Variants in FMNL3 observed in about 807,000 individuals in gnomAD.
The protein encoded by FMNL3 is formin-like protein 3.
In FMNL3, 57 loss-of-function variants were observed where a neutral mutation model predicts 119.6. The ratio of observed to expected loss-of-function variants is 0.48; its 90% confidence interval spans 0.39 to 0.59. The LOEUF (loss-of-function observed/expected upper bound fraction) is 0.59. FMNL3 is among the 20% of genes least tolerant of loss of function. The pLI is 0.00. For missense variants in FMNL3, 1,053 were observed against 1,323.5 expected (o/e 0.80, Z 3.17); for synonymous variants, 491 against 507.3 (o/e 0.97, Z 0.43).
intron 21 of FMNL3, 151 bp from the exon 22 acceptor site, chr12:49,648,504 A>G: frequency 1.3e-6 from 1 of 771,158 alleles, no homozygotes; most frequent in Non-Finnish European, 1.9e-6. Flanking sequence ...ACACCAAGCT[A>G]GCTGATCCCT....
At chr12:49,648,406 C>T in intron 21 of FMNL3, 53 bp from the exon 22 acceptor site, 2 of 1,566,326 alleles carry the variant, frequency 1.3e-6, no homozygotes, top group South Asian at 1.2e-5. Flanking sequence ...ATGCTCACCT[C>T]CCAGCCCAGA....
At chr12:49,676,308 G>A (rs1441371066) in intron 1 of FMNL3, among the ~76,000 whole-genome samples, 1 of 152,138 alleles carries the variant, frequency 6.6e-6, no homozygotes, top group Non-Finnish European at 1.5e-5. Context: ...CACAACTTCT[G>A]AGAAATGTCA....
At chr12:49,680,629 G>A (rs1565888477) in intron 1 of FMNL3, among the ~76,000 whole-genome samples, 1 of 152,090 alleles carries the variant, frequency 6.6e-6, no homozygotes, top group Admixed American at 6.5e-5. Flanking sequence ...GTACAGCTAG[G>A]AAAAAACACC....
chr12:49,701,908 G>A (rs1237059968), intron 1 of FMNL3, among the ~76,000 whole-genome samples: 1 of 152,174 alleles, frequency 6.6e-6, no homozygotes, highest in Non-Finnish European at 1.5e-5. Flanking sequence ...GGGTGACAGA[G>A]TAAGACTGTC....
At position 49,643,996 on chromosome 12, in the gene FMNL3, AAGG is replaced by A. The variant is rs761119539; in HGVS notation, c.*1816_*1818del. ...CCGTTCCCCAGGCTTTGGAATCAAGAAGGAGAAGGTGAGGGGCAGGGGCCCTAG... is the reference window on the plus strand; with the variant it reads ...CCGTTCCCCAGGCTTTGGAATCAAGAAGAAGGTGAGGGGCAGGGGCCCTAG... On this transcript the variant is annotated 3_prime_UTR_variant, in exon 26 of 26. Transcript: ENST00000335154. 76 of 1,614,138 alleles carry A rather than the reference AAGG, an allele frequency of 4.7e-5. No individual in the cohort carries two copies. The South Asian group carries it at 6.9e-4, about 15-fold the overall frequency.
chr12:49,677,989 A>T (rs191642638), intron 1 of FMNL3, among the ~76,000 whole-genome samples: 2 of 149,826 alleles, frequency 1.3e-5, no homozygotes, highest in East Asian at 4.0e-4. Context: ...CAGCCTCCCA[A>T]GTAGCTGGGA....
Position 49,642,547 on chromosome 12 carries a change from C to G in FMNL3, c.*3268G>C. 1.2e-6 allele frequency: 2 copies of G among 1,611,646 alleles called. No homozygotes were observed. Among genetic ancestry groups the G allele is most frequent in the South Asian group, 1.1e-5 (1 of 90,924 alleles). ...GTGTCCAGGCCAGGCTGAGTGGGGC[C>G]TAGTCTGATCAGCAGTGCTCTCCTC... On this transcript the variant is annotated 3_prime_UTR_variant, in exon 26 of 26. Coordinates refer to ENST00000335154, the MANE Select transcript of FMNL3 (RefSeq NM_175736.5). The surrounding 1 kb of genome is among the most constrained non-coding windows in gnomAD (Gnocchi z 5.8).
chr12:49,643,181 C>A lies in FMNL3; in HGVS notation c.*2634G>T. ...TTCCCAGACGAGGGCTTCTGGAGGG[C>A]AGAGAACCTCTGCACTGACATGTAT... is the stretch of plus-strand genomic sequence containing the variant. On this transcript the variant is annotated 3_prime_UTR_variant, in exon 26 of 26. Coordinates refer to ENST00000335154, the MANE Select transcript of FMNL3 (RefSeq NM_175736.5). The A allele has an allele frequency of 6.2e-7, 1 of 1,609,640 alleles. No individual in the cohort carries two copies. The highest frequency in any genetic ancestry group is 8.5e-7 in the Non-Finnish European group (1 of 1,177,644).
chr12:49,667,935 A>C (rs1016398024), intron 2 of FMNL3, among the ~76,000 whole-genome samples: 1 of 152,148 alleles, frequency 6.6e-6, no homozygotes, highest in African/African-American at 2.4e-5. Context: ...GAGCCAGGTC[A>C]TATGTGTTAG....
At chr12:49,700,027 A>G (rs2139049629) in intron 1 of FMNL3, among the ~76,000 whole-genome samples, 1 of 152,338 alleles carries the variant, frequency 6.6e-6, no homozygotes, top group Middle Eastern at 3.4e-3. Context: ...AATTTATCCT[A>G]AGGAAATAAT....
chr12:49,683,815 T>TACACTTC (rs1224249635), intron 1 of FMNL3, among the ~76,000 whole-genome samples: 3 of 152,220 alleles, frequency 2.0e-5, no homozygotes, highest in African/African-American at 7.2e-5. Flanking sequence ...CCTTACACTT[T>TACACTTC]ACACTTCAAC....
intron 10 of FMNL3, 94 bp from the exon 11 acceptor site, chr12:49,654,396 A>G: frequency 1.1e-6 from 1 of 921,324 alleles, no homozygotes; most frequent in Non-Finnish European, 1.7e-6. Context: ...TATCATCATC[A>G]TGTGGATAAT....
At position 49,637,460 on chromosome 12, in the gene FMNL3, C is replaced by G; in HGVS notation, c.*8355G>C. ...CTCACTCTCCCTATAACTGGCCTCT[C>G]CCTGCTCAGACCTTCCTGGACGAGC... On this transcript the variant is annotated 3_prime_UTR_variant, in exon 26 of 26. Coordinates refer to ENST00000335154, the MANE Select transcript of FMNL3 (RefSeq NM_175736.5). 2 of 1,607,418 alleles carry G rather than the reference C, an allele frequency of 1.2e-6. No homozygotes were observed. The highest frequency in any genetic ancestry group is 1.7e-6 in the Non-Finnish European group (2 of 1,175,314).
intron 1 of FMNL3, among the ~76,000 whole-genome samples, chr12:49,679,825 T>C (rs530669123): frequency 3.8e-4 from 58 of 152,296 alleles, no homozygotes; most frequent in African/African-American, 1.3e-3. Flanking sequence ...CCAGTGACAT[T>C]CATGTCTTCT....
Position 49,647,584 on chromosome 12 carries a change from C to T in FMNL3, c.2778+119G>A, listed in dbSNP as rs910000739. On this transcript the variant is annotated intron_variant, in intron 23 of 25. Coordinates refer to ENST00000335154, the MANE Select transcript of FMNL3 (RefSeq NM_175736.5). The surrounding 1 kb of genome is among the most constrained non-coding windows in gnomAD (Gnocchi z 4.9). ...TAAGAGGCCTGTCACCAGCTTGCAT[C>T]GCTCCCTTCCCAGGACTCGGAGGAG... 6.0e-6 allele frequency: 6 copies of T among 994,950 alleles called. No homozygotes were observed. Among genetic ancestry groups the T allele is most frequent in the Non-Finnish European group, 9.2e-6 (6 of 653,590 alleles). The allele number at this position is 994,950 out of a possible 1,614,324, so 61.6% of individuals were successfully genotyped here. A position where few individuals can be genotyped will look rare whatever the true frequency, so the allele number is the denominator to read the frequency against.
intron 21 of FMNL3, 78 bp downstream of exon 21, chr12:49,648,951 G>A (rs1592639529): frequency 6.6e-7 from 1 of 1,512,936 alleles, no homozygotes; most frequent in Non-Finnish European, 8.8e-7. Context: ...GGACCCAAGT[G>A]TTCTCTCTCC....
chr12:49,641,856 C>G lies in FMNL3; in HGVS notation c.*3959G>C. ...GTAATGTGACCACTCTGCCTGCCAG[C>G]TTTGGCCTCAGGCACGTGGTGCCCC... is the stretch of plus-strand genomic sequence containing the variant. On this transcript the variant is annotated 3_prime_UTR_variant, in exon 26 of 26. Coordinates refer to ENST00000335154, the MANE Select transcript of FMNL3 (RefSeq NM_175736.5). The G allele has an allele frequency of 7.3e-6, 11 of 1,508,044 alleles. No homozygotes were observed. Among genetic ancestry groups the G allele is most frequent in the Non-Finnish European group, 9.2e-6 (10 of 1,088,392 alleles). 93.4% of individuals were successfully genotyped at this position (1,508,044 alleles called of 1,614,324 possible).
At chr12:49,700,429 G>A (rs527798952) in intron 1 of FMNL3, among the ~76,000 whole-genome samples, 3 of 144,106 alleles carry the variant, frequency 2.1e-5, no homozygotes, top group Non-Finnish European at 4.5e-5. Flanking sequence ...AAAAGGGTAA[G>A]ATACGCTGGA....
At position 49,642,351 on chromosome 12, in the gene FMNL3, G is replaced by A; in HGVS notation, c.*3464C>T. The A allele has an allele frequency of 1.2e-6, 2 of 1,613,944 alleles. No homozygotes were observed. Among genetic ancestry groups the A allele is most frequent in the Non-Finnish European group, 8.5e-7 (1 of 1,180,040 alleles). ...TGAGGCAGGCTGTGCCTGCTCTGGA[G>A]CTAGGCACTGCCTGGGAAGAGGTCA... is the stretch of plus-strand genomic sequence containing the variant. On this transcript the variant is annotated 3_prime_UTR_variant, in exon 26 of 26. Coordinates refer to ENST00000335154, the MANE Select transcript of FMNL3 (RefSeq NM_175736.5). This position sits in a 1 kb window ranked among gnomAD's most constrained non-coding sequence, Gnocchi z 5.8.
Sources: gnomAD v4.1 joint callset for allele counts (sites outside exome capture counted in the v4.1 genomes callset) on GRCh38, gnomAD v4.1.1 for gene constraint, Gnocchi (gnomAD v3.1) non-coding constraint, MANE v1.5 for transcripts, NCBI Gene and HGNC (gene_info 2026-07-23, HGNC 2026-07-21) for gene names.